DDC: variants seen among roughly 807,000 people sequenced by gnomAD.
The protein encoded by DDC is dopa decarboxylase, also known as aromatic-L-amino-acid decarboxylase.
In DDC, 43 loss-of-function variants were observed where a neutral mutation model predicts 60.0. The ratio of observed to expected loss-of-function variants is 0.72; its 90% CI spans 0.56 to 0.92. The LOEUF (loss-of-function observed/expected upper bound fraction) is 0.92. Among genes scored for constraint, DDC ranks in the 40% least tolerant of loss-of-function variants. The pLI, the probability that DDC is intolerant of heterozygous loss-of-function variation, is 0.00. For missense variants in DDC, 573 were observed against 620.2 expected, an observed-to-expected ratio of 0.92 and a Z score of 0.81; for synonymous variants, 232 against 234.6, an observed-to-expected ratio of 0.99 and a Z score of 0.10.
At chr7:50,538,108 A>C (rs2044479441) in intron 3 of DDC, 129 bp from the exon 4 acceptor site, 3 of 1,160,512 alleles carry the variant, frequency 2.6e-6, no homozygotes, top group Middle Eastern at 2.5e-4. Context: ...GATGTGATTC[A>C]AAGGCCTGAA....
At chr7:50,480,890 G>A (rs2042753596) in intron 9 of DDC, among the ~76,000 whole-genome samples, 1 of 152,180 alleles carries the variant, frequency 6.6e-6, no homozygotes, top group Non-Finnish European at 1.5e-5. Flanking sequence ...CACACTGGTA[G>A]TCATTCTGCA....
chr7:50,548,676 G>A (rs947889322), intron 1 of DDC, among the ~76,000 whole-genome samples: 7 of 152,212 alleles, frequency 4.6e-5, no homozygotes, highest in African/African-American at 1.4e-4. Flanking sequence ...GAAGTGCAAG[G>A]TGAAACAGCA....
chr7:50,476,269 C>G (rs548262934), intron 11 of DDC, among the ~76,000 whole-genome samples: 27 of 152,320 alleles, frequency 1.8e-4, no homozygotes, highest in African/African-American at 4.8e-4. Flanking sequence ...TGTTCCCTGA[C>G]TCCTCCCTCA....
rs1471198821 is a variant in DDC at position 50,499,190 on chromosome 7, T to G, written c.834A>C (p.Ala278=). 5 of 1,613,918 alleles carry G rather than the reference T, an allele frequency of 3.1e-6. No individual in the cohort carries two copies. The highest frequency in any genetic ancestry group is 1.3e-5 in the African/African-American group (1 of 74,924). The change falls in exon 8 of 15, where the codon GCA becomes GCC. Residue 278 remains alanine, a synonymous_variant. Transcript: ENST00000444124. ...LHVDAAYAGS[A]FICPEFRHLL... is the part of the protein sequence containing the mutation. ...GGTGCCGGAACTCAGGGCAGATGAATGCACTGCCTGCGTAGGCTGCATCAA... is the reference window on the plus strand; with the variant it reads ...GGTGCCGGAACTCAGGGCAGATGAAGGCACTGCCTGCGTAGGCTGCATCAA...
chr7:50,502,537 T>C (rs1310447055), intron 7 of DDC, among the ~76,000 whole-genome samples: 1 of 152,248 alleles, frequency 6.6e-6, no homozygotes, highest in Non-Finnish European at 1.5e-5. Flanking sequence ...GATGAAGGTT[T>C]GCAGCTGATG....
At chr7:50,463,088 T>C in intron 14 of DDC, 125 bp downstream of exon 14, 1 of 780,056 alleles carries the variant, frequency 1.3e-6, no homozygotes, top group South Asian at 1.6e-5. Flanking sequence ...TATTTTAAGG[T>C]GAGGGAAATG....
intron 14 of DDC, among the ~76,000 whole-genome samples, chr7:50,461,712 C>G (rs1054164668): frequency 3.3e-5 from 5 of 152,268 alleles, no homozygotes; most frequent in Non-Finnish European, 7.3e-5. Flanking sequence ...GGTACTTTCC[C>G]TCCCCTCACA....
chr7:50,507,389 T>C (rs1563012228), intron 6 of DDC, among the ~76,000 whole-genome samples: 1 of 151,954 alleles, frequency 6.6e-6, no homozygotes. Flanking sequence ...AGGCACCACA[T>C]CCAGCTAATT....
chr7:50,487,504 T>C (rs1431440747), intron 9 of DDC, among the ~76,000 whole-genome samples: 1 of 152,128 alleles, frequency 6.6e-6, no homozygotes, highest in African/African-American at 2.4e-5. Context: ...ACTGTTTCTA[T>C]TTAATCTTTT....
chr7:50,556,688 C>T (rs2045199224), intron 1 of DDC, among the ~76,000 whole-genome samples: 1 of 152,204 alleles, frequency 6.6e-6, no homozygotes, highest in African/African-American at 2.4e-5. Context: ...AGTTTCTGTC[C>T]AGAAAGGAAC....
chr7:50,563,003 C>A (rs1157831553), intron 1 of DDC, among the ~76,000 whole-genome samples: 1 of 151,992 alleles, frequency 6.6e-6, no homozygotes, highest in African/African-American at 2.4e-5. Flanking sequence ...CCCACCTCTA[C>A]TAAAAATACA....
chr7:50,503,528 G>A (rs2043307718), intron 7 of DDC, among the ~76,000 whole-genome samples: 1 of 152,116 alleles, frequency 6.6e-6, no homozygotes, highest in African/African-American at 2.4e-5. Flanking sequence ...TCATTGTGTT[G>A]ATTTGCTAAA....
At chr7:50,520,246 C>A (rs796549331) in intron 6 of DDC, among the ~76,000 whole-genome samples, 18 of 152,294 alleles carry the variant, frequency 1.2e-4, no homozygotes, top group African/African-American at 4.1e-4. Context: ...CGCTCACAAT[C>A]AACATTCACC....
intron 1 of DDC, among the ~76,000 whole-genome samples, chr7:50,545,203 G>A (rs2876830): frequency 0.089 from 13,622 of 152,248 alleles, 964 homozygotes; most frequent in South Asian, 0.15. Context: ...GGGAACATAC[G>A]CATCGGACAA....
chr7:50,469,711 G>A (rs1404434043), intron 12 of DDC, among the ~76,000 whole-genome samples: 1 of 152,180 alleles, frequency 6.6e-6, no homozygotes, highest in East Asian at 1.9e-4. Flanking sequence ...AGGTGCAGTG[G>A]CTCACACCTG....
intron 1 of DDC, among the ~76,000 whole-genome samples, chr7:50,560,459 C>T (rs879355636): frequency 3.8e-4 from 58 of 152,148 alleles, no homozygotes; most frequent in African/African-American, 1.3e-3. Context: ...TGTGTGCCCG[C>T]CCCTTTATAA....
intron 9 of DDC, among the ~76,000 whole-genome samples, chr7:50,481,272 C>T (rs1197216910): frequency 6.6e-6 from 1 of 152,138 alleles, no homozygotes; most frequent in African/African-American, 2.4e-5. Context: ...AGTGTATATT[C>T]TTTCTTTGAC....
chr7:50,511,932 T>C (rs1444920307), intron 6 of DDC, among the ~76,000 whole-genome samples: 2 of 152,036 alleles, frequency 1.3e-5, no homozygotes, highest in African/African-American at 4.8e-5. Context: ...ATTTTAAATA[T>C]CAATGGTCTA....
chr7:50,489,924 T>C (rs1044171888), intron 9 of DDC, among the ~76,000 whole-genome samples: 12 of 152,216 alleles, frequency 7.9e-5, no homozygotes, highest in African/African-American at 2.9e-4. Flanking sequence ...TTTAATAGAT[T>C]TGTTTATAAA....
Sources: gnomAD v4.1 joint callset for allele counts (sites outside exome capture counted in the v4.1 genomes callset) on GRCh38, gnomAD v4.1.1 for gene constraint, MANE v1.5 for transcripts, NCBI Gene and HGNC (gene_info 2026-07-23, HGNC 2026-07-21) for gene names.